The following MBTPS1 variants were observed in gnomAD, a reference collection of about 807,000 sequenced individuals.
MBTPS1 encodes the protein membrane bound transcription factor peptidase, site 1, also known as membrane-bound transcription factor site-1 protease.
In MBTPS1, 94 loss-of-function variants were observed where a neutral mutation model predicts 127.8. That is an observed-to-expected ratio of 0.74 (90% CI 0.62 to 0.87). MBTPS1 has a LOEUF of 0.87. MBTPS1 is among the 40% of genes least tolerant of loss of function. The pLI, the probability that MBTPS1 is intolerant of heterozygous loss-of-function variation, is 0.00. For synonymous variants in MBTPS1, 632 were observed against 509.4 expected, an observed-to-expected ratio of 1.24 and a Z score of -3.24; for missense variants, 1,636 against 1,353.2, an observed-to-expected ratio of 1.21 and a Z score of -3.28.
At chr16:84,096,793 G>C (rs947751870) in intron 3 of MBTPS1, among the ~76,000 whole-genome samples, 2 of 152,168 alleles carry the variant, frequency 1.3e-5, no homozygotes, top group African/African-American at 4.8e-5. Context: ...TTCCTCTGCT[G>C]AGTCTGATCT....
intron 14 of MBTPS1, 111 bp downstream of exon 14, chr16:84,069,755 T>A (rs1303917888): frequency 9.7e-7 from 1 of 1,031,680 alleles, no homozygotes; most frequent in African/African-American, 1.6e-5. Flanking sequence ...GTCATCAGAG[T>A]CCAGGCTCCA....
intron 22 of MBTPS1, among the ~76,000 whole-genome samples, chr16:84,054,967 C>G (rs1188360291): frequency 6.6e-6 from 1 of 152,126 alleles, no homozygotes; most frequent in Non-Finnish European, 1.5e-5. Context: ...CCCAGAGGCG[C>G]TCTGTGTTTC....
chr16:84,085,648 G>C (rs375559689), intron 9 of MBTPS1, among the ~76,000 whole-genome samples: 16 of 141,930 alleles, frequency 1.1e-4, no homozygotes, highest in African/African-American at 4.2e-4. Context: ...CGATAATGTA[G>C]AAAGTAAATT....
At chr16:84,080,787 T>C (rs1260959428) in intron 11 of MBTPS1, among the ~76,000 whole-genome samples, 1 of 152,248 alleles carries the variant, frequency 6.6e-6, no homozygotes, top group Non-Finnish European at 1.5e-5. Context: ...AGATCAGCAC[T>C]GCAGTTCCTG....
intron 3 of MBTPS1, among the ~76,000 whole-genome samples, chr16:84,096,484 T>C (rs1037332734): frequency 2.6e-5 from 4 of 152,202 alleles, no homozygotes; most frequent in African/African-American, 9.7e-5. Flanking sequence ...TATCTGTAAG[T>C]CTCTTTATTT....
intron 21 of MBTPS1, among the ~76,000 whole-genome samples, chr16:84,058,503 G>A (rs941823342): frequency 9.8e-5 from 15 of 152,316 alleles, no homozygotes; most frequent in East Asian, 1.9e-4. Context: ...GTGCCTGCCC[G>A]GCCACGGACA....
rs1036208451 is a variant in MBTPS1, at chr16:84,070,018, C to G, written c.1803G>C (p.Gln601His). ...AETESKNGAE[Q>H]TSTVKLPIKV... ...TAATGGGGAGCTTTACTGTTGAAGTCTGTTCTGCACCATTTTTTGACTAAA... is the reference window on the plus strand; with the variant it reads ...TAATGGGGAGCTTTACTGTTGAAGTGTGTTCTGCACCATTTTTTGACTAAA... Residue 601 changes from glutamine to histidine, a missense_variant, in exon 14 of 23, where the codon CAG becomes CAC. Coordinates refer to ENST00000343411, the MANE Select transcript of MBTPS1 (RefSeq NM_003791.4). The G allele has an allele frequency of 6.3e-7, 1 of 1,577,410 alleles. No homozygotes were observed. The highest frequency in any genetic ancestry group is 8.6e-7 in the Non-Finnish European group (1 of 1,169,376).
intron 22 of MBTPS1, among the ~76,000 whole-genome samples, chr16:84,055,643 G>A (rs1456546671): frequency 1.3e-5 from 2 of 151,734 alleles, no homozygotes; most frequent in Non-Finnish European, 2.9e-5. Context: ...CCATTGGCTG[G>A]GACCCAAACC....
At chr16:84,111,298 G>A (rs1351849819) in intron 1 of MBTPS1, among the ~76,000 whole-genome samples, 1 of 152,214 alleles carries the variant, frequency 6.6e-6, no homozygotes, top group Non-Finnish European at 1.5e-5. Context: ...CCAGCACTGT[G>A]GGAGGCCAAG....
At chr16:84,077,599 T>C (rs906793288) in intron 11 of MBTPS1, among the ~76,000 whole-genome samples, 1 of 152,116 alleles carries the variant, frequency 6.6e-6, no homozygotes, top group East Asian at 1.9e-4. Context: ...TAACTCCAAA[T>C]GGATCAAGGA....
intron 13 of MBTPS1, 63 bp downstream of exon 13, chr16:84,070,524 GT>G (rs2085754344): frequency 6.5e-7 from 1 of 1,544,970 alleles, no homozygotes; most frequent in African/African-American, 1.4e-5. Flanking sequence ...CATTTGGCCT[GT>G]CCCTCCCTGA....
intron 1 of MBTPS1, among the ~76,000 whole-genome samples, chr16:84,115,417 C>G (rs1039958072): frequency 2.0e-5 from 3 of 152,222 alleles, no homozygotes; most frequent in Non-Finnish European, 4.4e-5. Flanking sequence ...AGCTCCCATT[C>G]TCAATCAACA....
intron 9 of MBTPS1, among the ~76,000 whole-genome samples, chr16:84,085,573 C>CA (rs1383690570): frequency 2.2e-5 from 2 of 91,368 alleles, no homozygotes; most frequent in East Asian, 7.4e-4. Context: ...CCGCACCCGC[C>CA]CCCCCCCCAA....
chr16:84,112,505 A>G (rs1468762764), intron 1 of MBTPS1, among the ~76,000 whole-genome samples: 1 of 151,330 alleles, frequency 6.6e-6, no homozygotes, highest in Non-Finnish European at 1.5e-5. Flanking sequence ...TAAAAAATAC[A>G]AAAAAAATTA....
intron 4 of MBTPS1, among the ~76,000 whole-genome samples, chr16:84,094,726 A>G (rs1187516166): frequency 6.6e-6 from 1 of 152,244 alleles, no homozygotes; most frequent in Non-Finnish European, 1.5e-5. Context: ...ATTATTTCTC[A>G]TGACTAGAAA....
chr16:84,055,173 G>T (rs1257478710), intron 22 of MBTPS1, among the ~76,000 whole-genome samples: 1 of 152,226 alleles, frequency 6.6e-6, no homozygotes, highest in Non-Finnish European at 1.5e-5. Flanking sequence ...CCCTGGTTCA[G>T]AATGTCAATA....
chr16:84,059,760 G>A (rs760937789), intron 20 of MBTPS1: 173 of 173,328 alleles, frequency 1.0e-3, no homozygotes, highest in Non-Finnish European at 1.5e-3. Flanking sequence ...GCTACAGACC[G>A]GTTTCATGGA....
chr16:84,108,417 C>T (rs1238453402), intron 1 of MBTPS1, among the ~76,000 whole-genome samples: 1 of 152,218 alleles, frequency 6.6e-6, no homozygotes, highest in Admixed American at 6.5e-5. Flanking sequence ...GCACACGCCA[C>T]CACACCCAGC....
chr16:84,056,105 GGA>G lies in MBTPS1; in HGVS notation c.2860_2861del (p.Ser954HisfsTer2). ...GTAACACCACCTTGTCCAGGTCAAT[GGA>G]GAGTAGCTTCTGATGTTTCCAAAGG... ...SNLWKHQKLL[S>X]IDLDKVVLPN... On this transcript the variant is annotated frameshift_variant, in exon 22 of 23. Transcript: ENST00000343411. LOFTEE classifies it high-confidence loss of function. 1 of 1,614,068 alleles carries G rather than the reference GGA, an allele frequency of 6.2e-7. No homozygotes were observed. Among genetic ancestry groups the G allele is most frequent in the South Asian group, 1.1e-5 (1 of 91,086 alleles).
Sources: allele counts gnomAD v4.1 joint callset (sites outside exome capture counted in the v4.1 genomes callset), GRCh38; gene constraint gnomAD v4.1.1; transcripts MANE v1.5; gene names NCBI Gene and HGNC (gene_info 2026-07-23, HGNC 2026-07-21).